Variants in AP1B1 observed in about 807,000 individuals in gnomAD.
The protein encoded by AP1B1 is AP-1 complex subunit beta-1.
A neutral mutation model predicts 104.3 loss-of-function variants in AP1B1; 36 were observed. The observed-to-expected ratio is 0.35, with a 90% CI of 0.26 to 0.46. The LOEUF (loss-of-function observed/expected upper bound fraction) is 0.46, where lower values mean the gene tolerates loss of function less well. AP1B1 is among the 20% of genes least tolerant of loss of function. AP1B1 has a pLI of 1.00. For missense variants in AP1B1, 901 were observed against 1,247.9 expected (o/e 0.72, Z 4.19); for synonymous variants, 504 against 517.5 (o/e 0.97, Z 0.35).
intron 1 of AP1B1, among the ~76,000 whole-genome samples, chr22:29,379,561 C>T (rs2062404536): frequency 6.6e-6 from 1 of 152,214 alleles, no homozygotes; most frequent in Admixed American, 6.5e-5. Flanking sequence ...CGGAAGCATG[C>T]ACACAGTAAA....
At chr22:29,340,210 C>T (rs1016284437) in intron 14 of AP1B1, among the ~76,000 whole-genome samples, 27 of 152,242 alleles carry the variant, frequency 1.8e-4, no homozygotes, top group Non-Finnish European at 2.9e-4. Context: ...TCTCCCCGGC[C>T]TCCCATGCCC....
chr22:29,354,656 T>C lies in AP1B1; in HGVS notation c.932A>G (p.Gln311Arg). Reference protein sequence around the residue: ...VALRNINLIVQKRPEILKHEM... With the variant: ...VALRNINLIVRKRPEILKHEM... The stretch of plus-strand genomic sequence containing the variant: ...CGTGTGGTGACCTCAGTACCTTTTC[T>C]GCACGATGAGATTGATGTTGCGCAG... The change falls in exon 7 of 23, where the codon CAG (glutamine) becomes CGG (arginine). Residue 311 changes from glutamine to arginine, a missense_variant. By Grantham distance (43) the Gln-to-Arg change is conservative (BLOSUM62 1). Transcript: ENST00000357586. 1.9e-6 allele frequency: 3 copies of C among 1,614,128 alleles called. No individual in the cohort carries two copies. The highest frequency in any genetic ancestry group is 2.5e-6 in the Non-Finnish European group (3 of 1,180,004).
At chr22:29,340,074 G>C (rs916163043) in intron 14 of AP1B1, among the ~76,000 whole-genome samples, 4 of 152,046 alleles carry the variant, frequency 2.6e-5, no homozygotes, top group Non-Finnish European at 5.9e-5. Context: ...GACCTGAGCC[G>C]AGCACAGCCA....
At chr22:29,371,353 T>G (rs2062233710) in intron 1 of AP1B1, among the ~76,000 whole-genome samples, 1 of 152,216 alleles carries the variant, frequency 6.6e-6, no homozygotes, top group South Asian at 2.1e-4. Context: ...GCTGTTATCA[T>G]GCACTGTATC....
chr22:29,344,372 C>G (rs1040713456), intron 11 of AP1B1, among the ~76,000 whole-genome samples: 5 of 152,148 alleles, frequency 3.3e-5, no homozygotes, highest in African/African-American at 7.2e-5. Flanking sequence ...TCCAGTTCCT[C>G]TCAACACGCT....
chr22:29,347,359 C>T (rs571328478), intron 11 of AP1B1, among the ~76,000 whole-genome samples: 9 of 152,312 alleles, frequency 5.9e-5, no homozygotes, highest in Non-Finnish European at 8.8e-5. Flanking sequence ...ACAAAGCACC[C>T]TAATTTAACT....
intron 3 of AP1B1, among the ~76,000 whole-genome samples, chr22:29,362,039 G>T (rs146438868): frequency 0.051 from 7,798 of 152,108 alleles, 298 homozygotes; most frequent in African/African-American, 0.11. Flanking sequence ...TGATCCACCC[G>T]CCTCGGCCTC....
chr22:29,358,039 C>T (rs568507373), intron 5 of AP1B1, among the ~76,000 whole-genome samples: 2 of 152,286 alleles, frequency 1.3e-5, no homozygotes, highest in East Asian at 3.9e-4. Flanking sequence ...TCTCTGTGAA[C>T]CATCCAGTGC....
In AP1B1 at chr22:29,339,794, G is replaced by A. The variant is rs1410971020; in HGVS notation, c.1999-20C>T. The A allele has an allele frequency of 1.9e-6, 3 of 1,605,288 alleles. No homozygotes were observed. The highest frequency in any genetic ancestry group is 2.6e-6 in the Non-Finnish European group (3 of 1,176,096). On this transcript the variant is annotated intron_variant, in intron 14 of 22. Transcript: ENST00000357586. ...CCCCATCTCCAAGCAGAAGCAGGCA[G>A]GTGAAGAGAACAGGCAGCCACATGC... is the stretch of plus-strand genomic sequence containing the variant.
chr22:29,378,860 C>CAAAAAAAAAA, intron 1 of AP1B1, among the ~76,000 whole-genome samples: 1 of 110,164 alleles, frequency 9.1e-6, no homozygotes, highest in Non-Finnish European at 1.8e-5. Flanking sequence ...CTCCGTCCCA[C>CAAAAAAAAAA]AAAAAAAAAA....
At chr22:29,334,510 G>A in intron 16 of AP1B1, 100 bp from the exon 17 acceptor site, 3 of 1,352,808 alleles carry the variant, frequency 2.2e-6, no homozygotes, top group South Asian at 1.4e-5. Flanking sequence ...CTCTCCTGCA[G>A]GGGCCTCCCA....
At chr22:29,330,811 G>A in intron 19 of AP1B1, 102 bp from the exon 20 acceptor site, 1 of 982,074 alleles carries the variant, frequency 1.0e-6, no homozygotes. Context: ...TGTGCCACGT[G>A]AAAGCTGACA....
At chr22:29,376,264 G>A (rs1280002737) in intron 1 of AP1B1, among the ~76,000 whole-genome samples, 2 of 152,098 alleles carry the variant, frequency 1.3e-5, no homozygotes, top group Admixed American at 6.6e-5. Flanking sequence ...TCTAGTCTCC[G>A]GGCAATGATT....
chr22:29,330,990 G>A (rs569973489), intron 19 of AP1B1, among the ~76,000 whole-genome samples: 2 of 152,150 alleles, frequency 1.3e-5, no homozygotes, highest in African/African-American at 2.4e-5. Context: ...CAGCCTGCTC[G>A]TTAGTCACAG....
At chr22:29,360,336 C>A (rs2062026365) in intron 3 of AP1B1, among the ~76,000 whole-genome samples, 1 of 152,192 alleles carries the variant, frequency 6.6e-6, no homozygotes, top group Admixed American at 6.5e-5. Flanking sequence ...AACAGAAACT[C>A]ACTTCACAGG....
rs181621107 is a variant in AP1B1 at position 29,358,948 on chromosome 22, G to T, written c.303C>A (p.Leu101=). Residue 101 remains leucine (L), a synonymous_variant, in exon 5 of 23, where the codon CTC becomes CTA. Coordinates refer to ENST00000357586, the MANE Select transcript of AP1B1 (RefSeq NM_001127.4). ...FVKDCEDPNP[L]IRALAVRTMG... ...TGGTCCGCACTGCCAGGGCTCGGAT[G>T]AGGGGGTTGGGGTCCTCACAGTCCT... 6.2e-7 allele frequency: 1 copy of T among 1,611,426 alleles called. No homozygotes were observed. The highest frequency in any genetic ancestry group is 2.2e-5 in the East Asian group (1 of 44,804).
At chr22:29,358,621 T>G (rs1264953556) in intron 5 of AP1B1, 105 bp downstream of exon 5, 1 of 1,452,448 alleles carries the variant, frequency 6.9e-7, no homozygotes, top group African/African-American at 1.4e-5. Context: ...CCAGCCAGGC[T>G]CCGACTTCTA....
At chr22:29,345,351 C>G (rs2147966978) in intron 11 of AP1B1, among the ~76,000 whole-genome samples, 1 of 147,436 alleles carries the variant, frequency 6.8e-6, no homozygotes, top group East Asian at 2.0e-4. Flanking sequence ...GCTGCTGCAC[C>G]CAGTTAACAA....
chr22:29,372,776 T>A (rs952920290), intron 1 of AP1B1, among the ~76,000 whole-genome samples: 3 of 152,204 alleles, frequency 2.0e-5, no homozygotes, highest in Admixed American at 2.0e-4. Flanking sequence ...ACTATCTTTC[T>A]GTGTTTTAAG....
Sources: gnomAD v4.1 joint callset for allele counts (sites outside exome capture counted in the v4.1 genomes callset) on GRCh38, gnomAD v4.1.1 for gene constraint, MANE v1.5 for transcripts, NCBI Gene and HGNC (gene_info 2026-07-23, HGNC 2026-07-21) for gene names.